The following SRGAP3 variants were observed in gnomAD, a reference collection of about 807,000 sequenced individuals.
SRGAP3 encodes SLIT-ROBO Rho GTPase-activating protein 3.
A neutral mutation model predicts 121.1 loss-of-function variants in SRGAP3; 39 were observed. The ratio of observed to expected loss-of-function variants is 0.32; its 90% confidence interval spans 0.25 to 0.42. SRGAP3 has a LOEUF of 0.42. Among genes scored for constraint, SRGAP3 ranks in the 10% least tolerant of loss-of-function variants. SRGAP3 has a pLI of 1.00. For missense variants in SRGAP3, 1,213 were observed against 1,470.6 expected (o/e 0.82, Z 2.86); for synonymous variants, 601 against 570.0 (o/e 1.05, Z -0.77).
rs1331529775 is a variant in SRGAP3 at position 9,330,287 on chromosome 3, T to A, written n.283+241A>T. On this transcript the variant is annotated intron_variant and non_coding_transcript_variant, in intron 2 of 3. Coordinates refer to the SRGAP3 transcript ENST00000490889. ...TACTACCAGTTCCTTTATGACCCAG[T>A]CAGATATGAGAGTCCTCTAACTGGA... Among the ~76,000 whole-genome samples the A allele has an allele frequency of 2.0e-5, 3 of 152,174 alleles. No homozygotes were observed. The East Asian group carries it at 5.8e-4, about 29-fold the overall frequency.
chr3:9,101,997 G>A (rs895222705), intron 3 of SRGAP3, among the ~76,000 whole-genome samples: 4 of 152,260 alleles, frequency 2.6e-5, no homozygotes, highest in South Asian at 2.1e-4. Context: ...CCGCATCAGT[G>A]AGAAGCTGGC....
chr3:9,190,452 GT>G (rs1207413272), intron 1 of SRGAP3, among the ~76,000 whole-genome samples: 1 of 152,164 alleles, frequency 6.6e-6, no homozygotes, highest in Non-Finnish European at 1.5e-5. Context: ...AAAAGGTCCA[GT>G]TTTGCTCAAA....
chr3:9,345,478 T>C (rs112921551), intron 1 of SRGAP3, among the ~76,000 whole-genome samples: 2 of 114,854 alleles, frequency 1.7e-5, no homozygotes, highest in Non-Finnish European at 3.8e-5. Flanking sequence ...CAAGACCCCA[T>C]CTCAAAAAAA....
chr3:9,119,405 C>T (rs1218663714), intron 2 of SRGAP3, among the ~76,000 whole-genome samples: 2 of 152,204 alleles, frequency 1.3e-5, no homozygotes, highest in African/African-American at 4.8e-5. Flanking sequence ...TCATGCAACT[C>T]CCTTCTTCCC....
chr3:9,192,367 G>C (rs1207118094), intron 1 of SRGAP3: 1 of 152,220 alleles, frequency 6.6e-6, no homozygotes, highest in African/African-American at 2.4e-5. Flanking sequence ...ATGCTGTATC[G>C]GTTTGATTCC....
At chr3:9,134,566 GC>G (rs1949575623) in intron 1 of SRGAP3, among the ~76,000 whole-genome samples, 1 of 152,034 alleles carries the variant, frequency 6.6e-6, no homozygotes. Flanking sequence ...GAAATGGCTT[GC>G]CCAAGACCAC....
chr3:9,047,022 C>T (rs111330433), intron 10 of SRGAP3, among the ~76,000 whole-genome samples: 13,368 of 151,962 alleles, frequency 0.088, 1,273 homozygotes, highest in African/African-American at 0.24. Flanking sequence ...TTAGTAGAGA[C>T]GGGGTTTCAC....
rs999117229 is a variant in SRGAP3 at position 9,326,867 on chromosome 3, A to T, written n.284-699T>A. ...ATTTCACCAAAATGATAAGTCAAAA[A>T]TTTTCTAAAGGAAGAAACATTAGTC... On this transcript the variant is annotated intron_variant and non_coding_transcript_variant, in intron 2 of 3. Transcript: ENST00000490889. 2.0e-5 allele frequency among the ~76,000 whole-genome samples: 3 copies of T among 151,796 alleles called. No homozygotes were observed. In the Middle Eastern group the frequency reaches 9.5e-3, roughly 480 times the overall value.
intron 1 of SRGAP3, chr3:9,236,363 A>T (rs1953408813): frequency 6.3e-6 from 1 of 158,928 alleles, no homozygotes; most frequent in Non-Finnish European, 1.4e-5. Flanking sequence ...ATAATTTATT[A>T]ACCTATTTTT....
At chr3:9,014,058 A>C in intron 15 of SRGAP3, 2 of 603,480 alleles carry the variant, frequency 3.3e-6, no homozygotes, top group Non-Finnish European at 6.1e-6. Flanking sequence ...TCAAGAACCA[A>C]TCAGAGTCGA....
chr3:9,273,140 G>C (rs1023156758), intron 3 of SRGAP3, among the ~76,000 whole-genome samples: 1 of 152,142 alleles, frequency 6.6e-6, no homozygotes, highest in South Asian at 2.1e-4. Context: ...TAAGGGGCAC[G>C]CAACCTGGAT....
intron 4 of SRGAP3, among the ~76,000 whole-genome samples, chr3:9,065,800 T>A (rs904541162): frequency 1.3e-5 from 2 of 152,248 alleles, no homozygotes; most frequent in Admixed American, 6.5e-5. Flanking sequence ...CTATGAATAC[T>A]TATGTACATT....
At chr3:9,193,908 G>A (rs544275282) in intron 1 of SRGAP3, 5 of 152,412 alleles carry the variant, frequency 3.3e-5, no homozygotes, top group African/African-American at 1.2e-4. Context: ...CGCCCTCGGA[G>A]GCAACACTGG....
chr3:9,136,047 C>T (rs1949634500), intron 1 of SRGAP3, among the ~76,000 whole-genome samples: 1 of 152,228 alleles, frequency 6.6e-6, no homozygotes, highest in South Asian at 2.1e-4. Flanking sequence ...CTAAGTGTTT[C>T]CCAGGCGCCA....
chr3:9,190,895 C>T (rs964238247), intron 1 of SRGAP3, among the ~76,000 whole-genome samples: 2 of 152,180 alleles, frequency 1.3e-5, no homozygotes, highest in Non-Finnish European at 2.9e-5. Context: ...TGAGCTCAGC[C>T]AGTCACCCCT....
chr3:9,099,286 CTT>C (rs148019379), intron 3 of SRGAP3, among the ~76,000 whole-genome samples: 2,077 of 152,328 alleles, frequency 0.014, 49 homozygotes, highest in African/African-American at 0.048. Context: ...TGCAAAGAGT[CTT>C]TCCTCATTAG....
At position 9,025,310 on chromosome 3, in the gene SRGAP3, C is replaced by T; in HGVS notation, c.1629G>A (p.Val543=). 2 of 1,614,188 alleles carry T rather than the reference C, an allele frequency of 1.2e-6. No homozygotes were observed. The highest frequency in any genetic ancestry group is 1.7e-6 in the Non-Finnish European group (2 of 1,180,032). ...CATTGACTTCCACCTGAGATCCTGGCACTCTGAAGATCCCCTGCTGCTGGA... is the reference window on the plus strand; with the variant it reads ...CATTGACTTCCACCTGAGATCCTGGTACTCTGAAGATCCCCTGCTGCTGGA... ...YGLQQQGIFR[V]PGSQVEVNDI... is the part of the protein sequence containing the mutation. The change falls in exon 14 of 22, where the codon GTG becomes GTA. Residue 543 remains valine, a synonymous_variant. Coordinates refer to ENST00000383836, the MANE Select transcript of SRGAP3 (RefSeq NM_014850.4).
At chr3:9,012,891 T>C (rs1021155030) in intron 17 of SRGAP3, among the ~76,000 whole-genome samples, 2 of 152,112 alleles carry the variant, frequency 1.3e-5, no homozygotes, top group Non-Finnish European at 2.9e-5. Context: ...TTACAGATCT[T>C]GAGTTGCTGG....
chr3:9,099,927 C>G (rs116772827), intron 3 of SRGAP3, among the ~76,000 whole-genome samples: 1 of 152,186 alleles, frequency 6.6e-6, no homozygotes, highest in South Asian at 2.1e-4. Context: ...AGGTAAAATA[C>G]GCCAGCAGGG....
Sources: gnomAD v4.1 joint callset for allele counts (sites outside exome capture counted in the v4.1 genomes callset) on GRCh38, gnomAD v4.1.1 for gene constraint, MANE v1.5 for transcripts, NCBI Gene and HGNC (gene_info 2026-07-23, HGNC 2026-07-21) for gene names.